DAAM1: variants seen among roughly 807,000 people sequenced by gnomAD.
DAAM1 encodes disheveled-associated activator of morphogenesis 1.
A neutral mutation model predicts 130.0 loss-of-function variants in DAAM1; 52 were observed. The ratio of observed to expected loss-of-function variants is 0.40; its 90% CI spans 0.32 to 0.50. DAAM1 has a LOEUF of 0.50. Ranked by LOEUF, DAAM1 falls within the 20% of genes least tolerant of loss-of-function variation. DAAM1 has a pLI of 0.61. For synonymous variants in DAAM1, 452 were observed against 444.5 expected (o/e 1.02, Z -0.21); for missense variants, 1,134 against 1,303.8 (o/e 0.87, Z 2.01).
At chr14:59,361,001 C>A in intron 22 of DAAM1, 139 bp downstream of exon 22, 1 of 675,042 alleles carries the variant, frequency 1.5e-6, no homozygotes, top group Non-Finnish European at 2.3e-6. Context: ...GAACCACCAC[C>A]ACAAGAAGCA....
At chr14:59,333,003 G>A (rs1315473589) in intron 15 of DAAM1, among the ~76,000 whole-genome samples, 1 of 152,122 alleles carries the variant, frequency 6.6e-6, no homozygotes, top group African/African-American at 2.4e-5. Flanking sequence ...CCAAGAAAGA[G>A]TGTATCAGAA....
Position 59,325,688 on chromosome 14 carries a change from C to T in DAAM1, c.1014C>T (p.Leu338=). ...GGCATTTAGACTTTTTTGAAATGCT[C>T]CGAAATGAAGATGAACTAGAATTTG... The part of the protein sequence containing the change: ...LDRHLDFFEM[L]RNEDELEFAK... The change falls in exon 9 of 25, where the codon CTC becomes CTT. Residue 338 remains leucine (L), a synonymous_variant. Transcript: ENST00000360909. 1.2e-6 allele frequency: 2 copies of T among 1,613,864 alleles called. No homozygotes were observed. The highest frequency in any genetic ancestry group is 1.7e-6 in the Non-Finnish European group (2 of 1,179,956).
At chr14:59,364,200 C>T (rs1886824476) in intron 23 of DAAM1, among the ~76,000 whole-genome samples, 1 of 152,168 alleles carries the variant, frequency 6.6e-6, no homozygotes, top group African/African-American at 2.4e-5. Flanking sequence ...AGCCATGTGC[C>T]TAAATTACCT....
chr14:59,228,119 T>A (rs530253096), intron 1 of DAAM1, among the ~76,000 whole-genome samples: 1 of 152,258 alleles, frequency 6.6e-6, no homozygotes, highest in East Asian at 1.9e-4. Context: ...TTCTTCTAAA[T>A]CTTAAGGGAA....
rs577522094 is a variant in DAAM1, at chr14:59,307,663, G to A, written c.274-7617G>A. ...CCTGCATAAACCAAAGAAAAGGAAG[G>A]AGCAGAGCCCTGGGGGGTCAGAGGA... On this transcript the variant is annotated intron_variant, in intron 3 of 24. Coordinates refer to ENST00000360909, the MANE Select transcript of DAAM1 (RefSeq NM_001270520.2). Among the ~76,000 whole-genome samples, 18 of 152,278 alleles carry A rather than the reference G, an allele frequency of 1.2e-4. No homozygotes were observed. The South Asian group carries it at 1.9e-3, about 16-fold the overall frequency.
chr14:59,208,026 T>A (rs1888316884), intron 1 of DAAM1, among the ~76,000 whole-genome samples: 1 of 152,192 alleles, frequency 6.6e-6, no homozygotes, highest in African/African-American at 2.4e-5. Context: ...TAGATAAAAA[T>A]CTTAATGAAG....
chr14:59,307,912 A>G (rs991415773), intron 3 of DAAM1, among the ~76,000 whole-genome samples: 4 of 152,210 alleles, frequency 2.6e-5, no homozygotes, highest in Non-Finnish European at 5.9e-5. Flanking sequence ...GATGTGAAGC[A>G]TCCTCAGTCT....
Position 59,368,880 on chromosome 14 carries a change from T to A in DAAM1, c.*21T>A. The A allele has an allele frequency of 6.2e-7, 1 of 1,610,200 alleles. No individual in the cohort carries two copies. Among genetic ancestry groups the A allele is most frequent in the Non-Finnish European group, 8.5e-7 (1 of 1,177,598 alleles). On this transcript the variant is annotated 3_prime_UTR_variant, in exon 25 of 25. Transcript: ENST00000360909. ...TCTAATTTTCCATGAATACTTTTTTTTAGAAAGCTCATTAGCAGCCCTCTA... is the reference window on the plus strand; with the variant it reads ...TCTAATTTTCCATGAATACTTTTTTATAGAAAGCTCATTAGCAGCCCTCTA...
chr14:59,189,623 T>A (rs2139373031), intron 1 of DAAM1, among the ~76,000 whole-genome samples: 1 of 152,206 alleles, frequency 6.6e-6, no homozygotes, highest in Admixed American at 6.5e-5. Context: ...GATAATCTAA[T>A]GATTAGGCTC....
intron 1 of DAAM1, among the ~76,000 whole-genome samples, chr14:59,223,914 G>C (rs940714914): frequency 6.6e-6 from 1 of 152,186 alleles, no homozygotes; most frequent in Non-Finnish European, 1.5e-5. Context: ...AGTAAGTCTG[G>C]AGTAGTTGCT....
chr14:59,242,628 G>A (rs553318142), intron 1 of DAAM1, among the ~76,000 whole-genome samples: 65 of 152,114 alleles, frequency 4.3e-4, no homozygotes, highest in African/African-American at 1.5e-3. Context: ...GCGTGATCTC[G>A]GCTCACTGCA....
At chr14:59,297,114 A>G (rs1161816541) in intron 3 of DAAM1, among the ~76,000 whole-genome samples, 1 of 152,124 alleles carries the variant, frequency 6.6e-6, no homozygotes, top group African/African-American at 2.4e-5. Context: ...CACCCTGCCA[A>G]TCTGGCCCTT....
At chr14:59,368,028 TCTA>T (rs1372291318) in intron 24 of DAAM1, among the ~76,000 whole-genome samples, 2 of 152,108 alleles carry the variant, frequency 1.3e-5, no homozygotes, top group South Asian at 2.1e-4. Flanking sequence ...GAAAAAGATT[TCTA>T]CATGAAATCT....
rs754911314 is a variant in DAAM1 at position 59,367,414 on chromosome 14, C to CCAT, written c.2827-13_2827-11dup. ...CTCATGAAACATTGACTTCTTAAAA[C>CCAT]CATCTTTTTCCTAGTTTACTAAAGC... is the stretch of plus-strand genomic sequence containing the variant. On this transcript the variant is annotated splice_polypyrimidine_tract_variant and intron_variant, in intron 23 of 24. Coordinates refer to ENST00000360909, the MANE Select transcript of DAAM1 (RefSeq NM_001270520.2). 9 of 1,584,048 alleles carry CCAT rather than the reference C, an allele frequency of 5.7e-6. No individual in the cohort carries two copies. In the African/African-American group the frequency reaches 1.1e-4, roughly 19 times the overall value.
At chr14:59,212,638 A>G (rs747379031) in intron 1 of DAAM1, among the ~76,000 whole-genome samples, 3 of 152,232 alleles carry the variant, frequency 2.0e-5, no homozygotes, top group Non-Finnish European at 2.9e-5. Flanking sequence ...CCCAGCTTGG[A>G]CATGCCTCAT....
chr14:59,206,594 T>C (rs1354846373), intron 1 of DAAM1, among the ~76,000 whole-genome samples: 1 of 152,218 alleles, frequency 6.6e-6, no homozygotes, highest in Non-Finnish European at 1.5e-5. Flanking sequence ...ATCTATAAAA[T>C]AAGATATACT....
intron 1 of DAAM1, among the ~76,000 whole-genome samples, chr14:59,262,370 T>G: frequency 6.6e-6 from 1 of 152,310 alleles, no homozygotes; most frequent in African/African-American, 2.4e-5. Context: ...TGGAAATCTT[T>G]CCAAGGCAAT....
At chr14:59,365,972 T>C (rs1000687818) in intron 23 of DAAM1, among the ~76,000 whole-genome samples, 3 of 151,790 alleles carry the variant, frequency 2.0e-5, no homozygotes, top group African/African-American at 4.8e-5. Flanking sequence ...ACATACTATC[T>C]TGAGTTATGG....
chr14:59,235,535 C>A (rs1889266364), intron 1 of DAAM1, among the ~76,000 whole-genome samples: 1 of 151,712 alleles, frequency 6.6e-6, no homozygotes, highest in Non-Finnish European at 1.5e-5. Context: ...TTTCTCTCTT[C>A]TTTATTAGTC....
Sources: allele counts gnomAD v4.1 joint callset (sites outside exome capture counted in the v4.1 genomes callset), GRCh38; gene constraint gnomAD v4.1.1; transcripts MANE v1.5; gene names NCBI Gene and HGNC (gene_info 2026-07-23, HGNC 2026-07-21).